METTL15: variants seen among roughly 807,000 people sequenced by gnomAD.
METTL15 encodes 12S rRNA N(4)-cytidine methyltransferase METTL15.
In METTL15, 34 loss-of-function variants were observed where a neutral mutation model predicts 38.3. That is an observed-to-expected ratio of 0.89 (90% CI 0.68 to 1.18). The LOEUF (loss-of-function observed/expected upper bound fraction) is 1.18, where lower values mean the gene tolerates loss of function less well. METTL15 is among the 50% of genes most tolerant of loss of function. The pLI is 0.00. For synonymous variants in METTL15, 162 were observed against 170.9 expected (o/e 0.95, Z 0.41); for missense variants, 438 against 498.4 (o/e 0.88, Z 1.15).
chr11:28,145,423 A>G (rs1185345242), intron 3 of METTL15: 1 of 152,050 alleles, frequency 6.6e-6, no homozygotes, highest in African/African-American at 2.4e-5. Flanking sequence ...GTAGACATCT[A>G]TAACATAATG....
At chr11:28,517,600 A>G (rs1851729853) in intron 6 of METTL15, among the ~76,000 whole-genome samples, 2 of 152,326 alleles carry the variant, frequency 1.3e-5, no homozygotes, top group African/African-American at 2.4e-5. Context: ...GAGCTCTCAG[A>G]GAAGGGACTC....
At chr11:28,369,516 A>G (rs940459647) in intron 5 of METTL15, among the ~76,000 whole-genome samples, 12 of 152,158 alleles carry the variant, frequency 7.9e-5, no homozygotes, top group African/African-American at 2.9e-4. Flanking sequence ...AACCGTCCAA[A>G]GGCAAAGACA....
intron 5 of METTL15, among the ~76,000 whole-genome samples, chr11:28,380,926 C>T (rs1850376717): frequency 6.6e-6 from 1 of 151,828 alleles, no homozygotes; most frequent in South Asian, 2.1e-4. Context: ...TGTTGTCATA[C>T]AAATTGGATT....
At chr11:28,362,240 G>A (rs1404838816) in intron 5 of METTL15, among the ~76,000 whole-genome samples, 1 of 152,058 alleles carries the variant, frequency 6.6e-6, no homozygotes, top group Non-Finnish European at 1.5e-5. Context: ...AAAACACAAG[G>A]AAAAAGTAGA....
intron 4 of METTL15, among the ~76,000 whole-genome samples, chr11:28,221,929 G>A (rs1179039421): frequency 6.6e-6 from 1 of 152,002 alleles, no homozygotes; most frequent in Non-Finnish European, 1.5e-5. Context: ...GTCTCAGAGG[G>A]GTACCTGGCC....
chr11:28,235,033 G>A (rs1853883568), intron 4 of METTL15, among the ~76,000 whole-genome samples: 1 of 152,062 alleles, frequency 6.6e-6, no homozygotes, highest in Non-Finnish European at 1.5e-5. Context: ...TGGCTAGCCA[G>A]TTTTCCCAGC....
intron 6 of METTL15, among the ~76,000 whole-genome samples, chr11:28,473,546 A>G (rs1036350137): frequency 3.9e-5 from 6 of 152,146 alleles, no homozygotes; most frequent in Non-Finnish European, 8.8e-5. Context: ...ATGTGGATAC[A>G]TTCATGTTAC....
At chr11:28,366,608 A>C (rs1850188605) in intron 5 of METTL15, among the ~76,000 whole-genome samples, 1 of 152,194 alleles carries the variant, frequency 6.6e-6, no homozygotes, top group Non-Finnish European at 1.5e-5. Flanking sequence ...TCCTGCAAGT[A>C]GTATTTAATA....
chr11:28,219,020 CT>C lies in METTL15; in HGVS notation c.407+7829del, dbSNP rs749727490. On this transcript the variant is annotated intron_variant, in intron 4 of 6. Transcript: ENST00000407364. ...ATCAGGGATATTGTTCTAAAATTCT[CT>C]TTTTTTGTTGTGTCTCTGCCCGGCT... is the stretch of plus-strand genomic sequence containing the variant. Among the ~76,000 whole-genome samples the C allele has an allele frequency of 3.3e-5, 5 of 152,188 alleles. No individual in the cohort carries two copies. In the South Asian group the frequency reaches 8.3e-4, roughly 25 times the overall value.
chr11:28,392,520 A>G (rs1203520560), intron 5 of METTL15, among the ~76,000 whole-genome samples: 2 of 152,144 alleles, frequency 1.3e-5, no homozygotes, highest in Non-Finnish European at 2.9e-5. Flanking sequence ...TATAGGAAAC[A>G]GATTAATGAT....
At chr11:28,426,992 G>A (rs754210618) in intron 6 of METTL15, among the ~76,000 whole-genome samples, 23 of 152,078 alleles carry the variant, frequency 1.5e-4, no homozygotes, top group East Asian at 3.9e-4. Context: ...CGATGTTTTC[G>A]TCATGAAGTC....
chr11:28,335,776 T>C (rs964584424), downstream of METTL15, among the ~76,000 whole-genome samples: 113 of 152,250 alleles, frequency 7.4e-4, no homozygotes, highest in African/African-American at 2.4e-3. Flanking sequence ...CCCTTTGCCT[T>C]CGACCATAAG....
chr11:28,220,462 C>T (rs1016871968), intron 4 of METTL15, among the ~76,000 whole-genome samples: 6 of 152,090 alleles, frequency 3.9e-5, no homozygotes, highest in Admixed American at 6.6e-5. Flanking sequence ...TGTCTCTGCA[C>T]ATGAGATGGG....
At chr11:28,511,534 G>A (rs1564952281) in intron 6 of METTL15, among the ~76,000 whole-genome samples, 1 of 152,142 alleles carries the variant, frequency 6.6e-6, no homozygotes, top group Non-Finnish European at 1.5e-5. Flanking sequence ...TCCTTCTGAT[G>A]TTCGGATGTC....
chr11:28,410,522 C>T (rs1850715546), intron 5 of METTL15, among the ~76,000 whole-genome samples: 1 of 152,092 alleles, frequency 6.6e-6, no homozygotes, highest in Non-Finnish European at 1.5e-5. Flanking sequence ...AGTATAAACA[C>T]TTGATCATCT....
intron 6 of METTL15, among the ~76,000 whole-genome samples, chr11:28,474,171 T>C (rs1851325922): frequency 7.1e-6 from 1 of 139,882 alleles, no homozygotes; most frequent in Non-Finnish European, 1.6e-5. Context: ...TATAAATCTA[T>C]CCTTAATAAC....
intron 5 of METTL15, among the ~76,000 whole-genome samples, chr11:28,394,393 G>A (rs1590359401): frequency 2.6e-5 from 4 of 152,146 alleles, no homozygotes; most frequent in East Asian, 3.9e-4. Flanking sequence ...AATTTGCACA[G>A]CTCTAATGGT....
intron 4 of METTL15, among the ~76,000 whole-genome samples, chr11:28,211,868 C>G (rs1399965005): frequency 6.6e-6 from 1 of 151,828 alleles, no homozygotes; most frequent in Non-Finnish European, 1.5e-5. Context: ...GGGCTGTTTT[C>G]AGGAATGGGA....
intron 6 of METTL15, among the ~76,000 whole-genome samples, chr11:28,508,717 A>C (rs373210992): frequency 1.2e-4 from 19 of 152,154 alleles, no homozygotes; most frequent in East Asian, 5.8e-4. Flanking sequence ...ATTCTGTATA[A>C]TCATCAGGTT....
Sources: gnomAD v4.1 joint callset for allele counts (sites outside exome capture counted in the v4.1 genomes callset) on GRCh38, gnomAD v4.1.1 for gene constraint, MANE v1.5 for transcripts, NCBI Gene and HGNC (gene_info 2026-07-23, HGNC 2026-07-21) for gene names.